ESRRG: variants seen among roughly 807,000 people sequenced by gnomAD.
The protein encoded by ESRRG is estrogen-related receptor gamma.
ESRRG carries 13 observed loss-of-function variants against 44.0 expected under a neutral mutation model. That is an observed-to-expected ratio of 0.30 (90% CI 0.19 to 0.47). The LOEUF is 0.47. ESRRG is among the 20% of genes least tolerant of loss of function. The pLI is 1.00. For synonymous variants in ESRRG, 215 were observed against 214.6 expected (o/e 1.00, Z -0.02); for missense variants, 395 against 580.6 (o/e 0.68, Z 3.29).
intron 3 of ESRRG, among the ~76,000 whole-genome samples, chr1:216,617,354 G>A (rs923476136): frequency 6.6e-6 from 1 of 152,066 alleles, no homozygotes; most frequent in Non-Finnish European, 1.5e-5. Flanking sequence ...TAAAGCCCAA[G>A]CAGTCCTATT....
intron 1 of ESRRG, among the ~76,000 whole-genome samples, chr1:217,062,024 G>T (rs200294241): frequency 1.3e-5 from 2 of 152,126 alleles, no homozygotes; most frequent in African/African-American, 4.8e-5. Context: ...ATTCGTTAAT[G>T]AATTAGTTTG....
At chr1:216,555,535 TAAA>T (rs5780894) in intron 5 of ESRRG, among the ~76,000 whole-genome samples, 5 of 144,794 alleles carry the variant, frequency 3.5e-5, no homozygotes, top group South Asian at 4.3e-4. Flanking sequence ...GTGCCCTCTT[TAAA>T]AAAAAAAAAA....
At chr1:216,876,865 A>G (rs1309891725) in intron 2 of ESRRG, among the ~76,000 whole-genome samples, 1 of 152,136 alleles carries the variant, frequency 6.6e-6, no homozygotes. Flanking sequence ...ACCTTTTAAT[A>G]GAATCTTCTT....
intron 3 of ESRRG, among the ~76,000 whole-genome samples, chr1:216,603,865 G>C (rs966373037): frequency 2.6e-5 from 4 of 151,338 alleles, no homozygotes; most frequent in Non-Finnish European, 4.4e-5. Context: ...CCCAGGAGGC[G>C]GAGGTTGCAG....
At chr1:216,612,147 T>A (rs2060763064) in intron 3 of ESRRG, among the ~76,000 whole-genome samples, 1 of 152,142 alleles carries the variant, frequency 6.6e-6, no homozygotes, top group Non-Finnish European at 1.5e-5. Flanking sequence ...AGGGAAATTA[T>A]CTATACTAAA....
intron 2 of ESRRG, among the ~76,000 whole-genome samples, chr1:216,907,310 A>C (rs2149539461): frequency 6.6e-6 from 1 of 152,344 alleles, no homozygotes; most frequent in Admixed American, 6.5e-5. Flanking sequence ...GCTGGTGATT[A>C]ATCTCACACT....
intron 1 of ESRRG, among the ~76,000 whole-genome samples, chr1:216,968,683 G>T (rs1262978474): frequency 1.4e-5 from 2 of 143,114 alleles, no homozygotes; most frequent in Non-Finnish European, 1.5e-5. Context: ...TTTCATTCTT[G>T]TGTTGACTAG....
chr1:217,023,403 C>T (rs991383041), intron 1 of ESRRG, among the ~76,000 whole-genome samples: 5 of 152,084 alleles, frequency 3.3e-5, no homozygotes, highest in South Asian at 2.1e-4. Context: ...GAGGGAGTTT[C>T]CTGGAGCTTC....
At chr1:217,009,543 G>T (rs1373784540) in intron 1 of ESRRG, among the ~76,000 whole-genome samples, 1 of 152,104 alleles carries the variant, frequency 6.6e-6, no homozygotes, top group East Asian at 1.9e-4. Flanking sequence ...GTTCCATGAT[G>T]TGCAGCTACT....
At chr1:216,535,606 G>A (rs1024665255) in intron 5 of ESRRG, among the ~76,000 whole-genome samples, 2 of 152,056 alleles carry the variant, frequency 1.3e-5, no homozygotes, top group African/African-American at 4.8e-5. Context: ...TCCTAAGGAA[G>A]GCCTTTCCTA....
chr1:217,064,022 T>A (rs759076003), intron 1 of ESRRG, among the ~76,000 whole-genome samples: 1 of 151,882 alleles, frequency 6.6e-6, no homozygotes, highest in Non-Finnish European at 1.5e-5. Flanking sequence ...AATAGGTGTG[T>A]GTATATATAC....
chr1:216,594,334 G>A (rs2058125771), intron 3 of ESRRG, among the ~76,000 whole-genome samples: 1 of 152,160 alleles, frequency 6.6e-6, no homozygotes, highest in Non-Finnish European at 1.5e-5. Context: ...GGAAATGAAT[G>A]TAATCTAGAG....
intron 1 of ESRRG, among the ~76,000 whole-genome samples, chr1:216,710,566 T>A (rs2083391259): frequency 6.6e-6 from 1 of 152,202 alleles, no homozygotes; most frequent in African/African-American, 2.4e-5. Context: ...GCTGTTGTAA[T>A]CAGGTGTACA....
chr1:216,964,564 T>C (rs1029405784), intron 1 of ESRRG, among the ~76,000 whole-genome samples: 3 of 152,050 alleles, frequency 2.0e-5, no homozygotes, highest in African/African-American at 7.2e-5. Flanking sequence ...AATGAGTGTA[T>C]AGAGGGGTAA....
Position 216,712,972 on chromosome 1 carries a change from C to T in ESRRG, c.56+10272G>A, listed in dbSNP as rs151238624. ...ACAAAGGGCTATTTAAAGCTGAACG[C>T]TTTGTCAATTTATCAGCTTGTGAAC... On this transcript the variant is annotated intron_variant, in intron 1 of 6. Transcript: ENST00000408911. Among the ~76,000 whole-genome samples the T allele has an allele frequency of 5.9e-5, 9 of 152,306 alleles. No homozygotes were observed. The South Asian group carries it at 8.3e-4, about 14-fold the overall frequency.
chr1:216,977,508 C>A (rs1017176680), intron 1 of ESRRG, among the ~76,000 whole-genome samples: 11 of 152,128 alleles, frequency 7.2e-5, no homozygotes, highest in Admixed American at 1.3e-4. Context: ...AATGTGAGGA[C>A]TGGGAAGCTG....
At chr1:217,052,874 G>A (rs6657326) in intron 1 of ESRRG, among the ~76,000 whole-genome samples, 1 of 151,876 alleles carries the variant, frequency 6.6e-6, no homozygotes, top group Non-Finnish European at 1.5e-5. Context: ...GACTAGTCAC[G>A]CTTGATCACT....
chr1:216,525,272 C>A (rs1430034733), intron 5 of ESRRG, among the ~76,000 whole-genome samples: 1 of 151,996 alleles, frequency 6.6e-6, no homozygotes, highest in Non-Finnish European at 1.5e-5. Context: ...GACACAGGGC[C>A]AATGAATGCC....
In ESRRG at chr1:217,051,658, G is replaced by A. The variant is rs577057035; in HGVS notation, c.-106+37849C>T. On this transcript the variant is annotated intron_variant, in intron 1 of 7. Transcript: ENST00000359162. ...AGCCATATGGAATAGGAGTTGGCCC[G>A]AGAGACAAGATACCTGGGTTATGGC... Among the ~76,000 whole-genome samples, 10 of 152,296 alleles carry A rather than the reference G, an allele frequency of 6.6e-5. 1 individual carries two copies. The highest frequency in any genetic ancestry group is 4.1e-4 in the South Asian group (2 of 4,824).
Sources: allele counts gnomAD v4.1 joint callset (sites outside exome capture counted in the v4.1 genomes callset), GRCh38; gene constraint gnomAD v4.1.1; transcripts MANE v1.5; gene names NCBI Gene and HGNC (gene_info 2026-07-23, HGNC 2026-07-21).